The following FBXL2 variants were observed in gnomAD, a reference collection of about 807,000 sequenced individuals.
FBXL2 encodes the protein F-box/LRR-repeat protein 2.
Under a neutral mutation model 69.2 loss-of-function variants are expected in FBXL2, and 38 were observed. That is an observed-to-expected ratio of 0.55 (90% CI 0.42 to 0.72). FBXL2 has a LOEUF of 0.72. Ranked by LOEUF, FBXL2 falls within the 30% of genes least tolerant of loss-of-function variation. FBXL2 has a pLI of 0.00. For missense variants in FBXL2, 354 were observed against 520.3 expected (o/e 0.68, Z 3.11); for synonymous variants, 192 against 201.3 (o/e 0.95, Z 0.39).
intron 2 of FBXL2, among the ~76,000 whole-genome samples, chr3:33,347,097 A>G (rs767914393): frequency 1.8e-4 from 28 of 152,020 alleles, no homozygotes; most frequent in Admixed American, 5.2e-4. Flanking sequence ...AACCATCCCT[A>G]TGTCCCCTCC....
chr3:33,408,811 A>AC, the FBXL2 span: 1 of 1,602,364 alleles, frequency 6.2e-7, no homozygotes, highest in East Asian at 2.2e-5. Flanking sequence ...GACAAACACC[A>AC]AAGATTGGGA....
chr3:33,348,095 C>T (rs1453791479), intron 2 of FBXL2, among the ~76,000 whole-genome samples: 1 of 152,038 alleles, frequency 6.6e-6, no homozygotes, highest in Non-Finnish European at 1.5e-5. Flanking sequence ...GAAATGTTTG[C>T]CCAAAACAAT....
In FBXL2 at chr3:33,373,631, C is replaced by G; in HGVS notation, c.509C>G (p.Thr170Arg). The G allele has an allele frequency of 6.2e-7, 1 of 1,614,178 alleles. No individual in the cohort carries two copies. The highest frequency in any genetic ancestry group is 8.5e-7 in the Non-Finnish European group (1 of 1,180,038). ...AACCTCTCTTGGTGTGATCAGATCA[C>G]GAAGGATGGCATCGAGGCACTGGTG... Reference protein sequence around the residue: ...YLNLSWCDQITKDGIEALVRG... With the variant: ...YLNLSWCDQIRKDGIEALVRG... Residue 170 changes from threonine (T) to arginine (R), a missense_variant, in exon 8 of 15, where the codon ACG becomes AGG. By Grantham distance (71) the Thr-to-Arg change is moderately conservative. Transcript: ENST00000484457.
At chr3:33,412,284 T>A in the FBXL2 span, among the ~76,000 whole-genome samples, 5 of 151,822 alleles carry the variant, frequency 3.3e-5, no homozygotes, top group Non-Finnish European at 4.4e-5. Context: ...AAAAGCTACT[T>A]GACGTTTTAA....
chr3:33,379,844 T>C (rs570654327), intron 13 of FBXL2, among the ~76,000 whole-genome samples: 50 of 151,988 alleles, frequency 3.3e-4, no homozygotes, highest in Non-Finnish European at 6.2e-4. Context: ...ACAAGTGTAG[T>C]TTAATATTTG....
At chr3:33,418,201 AAATC>A in the FBXL2 span, among the ~76,000 whole-genome samples, 1 of 152,238 alleles carries the variant, frequency 6.6e-6, no homozygotes, top group Non-Finnish European at 1.5e-5. Flanking sequence ...TAGGAAATAA[AAATC>A]AACAAAAGGT....
chr3:33,420,547 G>A, the FBXL2 span, among the ~76,000 whole-genome samples: 2 of 148,282 alleles, frequency 1.3e-5, no homozygotes, highest in Non-Finnish European at 3.0e-5. Flanking sequence ...GGAGTGCAGT[G>A]GCACAATCTT....
chr3:33,396,447 C>T, intron 12 of FBXL2: 1 of 528,608 alleles, frequency 1.9e-6, no homozygotes, highest in South Asian at 3.3e-5. Context: ...CCACACACCT[C>T]ACACCAACTA....
rs368779431 is a variant in FBXL2, at chr3:33,396,378, T to C, written n.1215-6856T>C. Reference sequence around the variant, plus strand: ...CAGGAATCTAAGTTCTATTTCCTTATGAGAACTTTATAATGTTATTTCGTT... The same window carrying C: ...CAGGAATCTAAGTTCTATTTCCTTACGAGAACTTTATAATGTTATTTCGTT... On this transcript the variant is annotated intron_variant and non_coding_transcript_variant, in intron 12 of 12. Transcript: ENST00000463736. 1.8e-5 allele frequency: 16 copies of C among 892,648 alleles called. No homozygotes were observed. In the African/African-American group the frequency reaches 1.8e-4, roughly 10 times the overall value. 55.3% of individuals were successfully genotyped at this position (892,648 alleles called of 1,614,324 possible).
intron 2 of FBXL2, among the ~76,000 whole-genome samples, chr3:33,322,081 T>A (rs2038276671): frequency 7.6e-6 from 1 of 132,064 alleles, no homozygotes; most frequent in Middle Eastern, 3.4e-3. Context: ...TTTTTTTTTT[T>A]TTTTTTTTTT....
intron 2 of FBXL2, among the ~76,000 whole-genome samples, chr3:33,339,073 TTCAC>T (rs2039811039): frequency 6.6e-6 from 1 of 151,778 alleles, no homozygotes. Flanking sequence ...TTTAAATAAA[TTCAC>T]AAACAAACAA....
intron 13 of FBXL2, among the ~76,000 whole-genome samples, chr3:33,380,131 A>G (rs2042935806): frequency 6.6e-6 from 1 of 151,250 alleles, no homozygotes; most frequent in East Asian, 1.9e-4. Flanking sequence ...AGGCTGAGAC[A>G]GGGGAACTGC....
the FBXL2 span, chr3:33,416,668 C>T: frequency 6.9e-6 from 7 of 1,019,530 alleles, no homozygotes; most frequent in East Asian, 2.7e-5. Flanking sequence ...TGTAATACAA[C>T]AATTATTGAA....
chr3:33,350,060 T>C (rs1201430802), intron 2 of FBXL2, among the ~76,000 whole-genome samples: 3 of 152,100 alleles, frequency 2.0e-5, no homozygotes, highest in African/African-American at 4.8e-5. Flanking sequence ...AGTGTTACTA[T>C]AATACCAAGA....
Position 33,323,631 on chromosome 3 carries a change from A to G in FBXL2, c.65+25906A>G, listed in dbSNP as rs191346655. ...AGCTTCATCCATGTCCCTGTAAAGG[A>G]TATTAACTCATCCTTTTTATGGCTG... On this transcript the variant is annotated intron_variant, in intron 2 of 14. Transcript: ENST00000484457. 3.3e-5 allele frequency among the ~76,000 whole-genome samples: 5 copies of G among 152,250 alleles called. No individual in the cohort carries two copies. In the East Asian group the frequency reaches 9.6e-4, roughly 29 times the overall value.
intron 2 of FBXL2, among the ~76,000 whole-genome samples, chr3:33,314,951 T>C (rs1309110836): frequency 2.6e-5 from 4 of 152,202 alleles, no homozygotes; most frequent in African/African-American, 9.6e-5. Flanking sequence ...TGTCAGTTGT[T>C]CTTACATGTG....
At chr3:33,345,516 A>T in intron 2 of FBXL2, among the ~76,000 whole-genome samples, 1 of 152,192 alleles carries the variant, frequency 6.6e-6, no homozygotes, top group East Asian at 1.9e-4. Context: ...ATAATGCAGA[A>T]ATCCTGAAGA....
chr3:33,278,940 C>G (rs952465116), intron 1 of FBXL2, among the ~76,000 whole-genome samples: 1 of 152,212 alleles, frequency 6.6e-6, no homozygotes, highest in African/African-American at 2.4e-5. Flanking sequence ...TCACAGCTCT[C>G]TGAAGTCTCA....
At chr3:33,301,559 G>A (rs891386899) in intron 2 of FBXL2, among the ~76,000 whole-genome samples, 1 of 152,108 alleles carries the variant, frequency 6.6e-6, no homozygotes, top group South Asian at 2.1e-4. Context: ...ATAGTTTTAC[G>A]AATATATATT....
Sources: allele counts gnomAD v4.1 joint callset (sites outside exome capture counted in the v4.1 genomes callset), GRCh38; gene constraint gnomAD v4.1.1; transcripts MANE v1.5; gene names NCBI Gene and HGNC (gene_info 2026-07-23, HGNC 2026-07-21).